The following CDH2 variants were observed in gnomAD, a reference collection of about 807,000 sequenced individuals.
CDH2 encodes the protein cadherin 2.
In CDH2, 17 loss-of-function variants were observed where a neutral mutation model predicts 92.0. The ratio of observed to expected loss-of-function variants is 0.18; its 90% CI spans 0.13 to 0.28. CDH2 has a LOEUF of 0.28. Ranked by LOEUF, CDH2 falls within the 10% of genes least tolerant of loss-of-function variation. The probability of loss-of-function intolerance (pLI) is 1.00; values close to 1 mark genes in which losing one functional copy is unlikely to be tolerated. For missense variants in CDH2, 862 were observed against 1,133.1 expected, an observed-to-expected ratio of 0.76 and a Z score of 3.44; for synonymous variants, 419 against 415.9, an observed-to-expected ratio of 1.01 and a Z score of -0.09.
At chr18:28,068,902 G>C (rs542922146) in intron 2 of CDH2, among the ~76,000 whole-genome samples, 1 of 152,236 alleles carries the variant, frequency 6.6e-6, no homozygotes, top group East Asian at 1.9e-4. Context: ...ATTACATAGA[G>C]GACAAGTCTC....
At chr18:27,959,055 A>G (rs1189724562) in intron 15 of CDH2, among the ~76,000 whole-genome samples, 1 of 152,172 alleles carries the variant, frequency 6.6e-6, no homozygotes, top group Non-Finnish European at 1.5e-5. Flanking sequence ...ACGTATATAT[A>G]TAAAGAAGTT....
At chr18:28,051,519 C>T (rs1201550585) in intron 2 of CDH2, among the ~76,000 whole-genome samples, 1 of 152,090 alleles carries the variant, frequency 6.6e-6, no homozygotes, top group Non-Finnish European at 1.5e-5. Context: ...ATGACAGACT[C>T]CTTGTCAGAA....
rs189831745 is a variant in CDH2 at position 28,157,751 on chromosome 18, A to T, written c.61-9967T>A. ...ATACGATATGTGATATATGCTAATA[A>T]AACAATTTCAATGTTTCTGTTCACT... On this transcript the variant is annotated intron_variant, in intron 1 of 15. Transcript: ENST00000269141. Among the ~76,000 whole-genome samples the T allele has an allele frequency of 9.2e-5, 14 of 152,326 alleles. No homozygotes were observed. In the East Asian group the frequency reaches 2.7e-3, roughly 29 times the overall value.
chr18:28,010,993 A>T (rs888537451), intron 4 of CDH2, among the ~76,000 whole-genome samples: 8 of 151,546 alleles, frequency 5.3e-5, no homozygotes, highest in Admixed American at 1.3e-4. Flanking sequence ...AACTTCATTA[A>T]AGTAGAAAAA....
At chr18:28,013,989 T>C (rs2013173719) in intron 2 of CDH2, 80 bp from the exon 3 acceptor site, 1 of 911,022 alleles carries the variant, frequency 1.1e-6, no homozygotes, top group Admixed American at 2.4e-5. Context: ...TAAACCTATA[T>C]CCTGCTTAGG....
intron 2 of CDH2, among the ~76,000 whole-genome samples, chr18:28,143,480 C>T (rs937004041): frequency 4.0e-5 from 6 of 151,816 alleles, no homozygotes; most frequent in African/African-American, 1.5e-4. Flanking sequence ...TGCTTGTAAA[C>T]AGGTGTGTAC....
intron 15 of CDH2, 134 bp from the exon 16 acceptor site, chr18:27,952,493 CA>C: frequency 1.5e-6 from 1 of 683,096 alleles, no homozygotes; most frequent in South Asian, 1.9e-5. Flanking sequence ...ACCATATTTT[CA>C]ACACATGGAA....
chr18:27,984,976 C>G (rs2012177255), intron 13 of CDH2, 24 bp downstream of exon 13: 1 of 1,570,932 alleles, frequency 6.4e-7, no homozygotes, highest in African/African-American at 1.4e-5. Context: ...GAACTGAAAT[C>G]TAAAAGACAA....
intron 2 of CDH2, among the ~76,000 whole-genome samples, chr18:28,136,245 T>C (rs2015859707): frequency 6.6e-6 from 1 of 152,142 alleles, no homozygotes; most frequent in South Asian, 2.1e-4. Context: ...TCAAAGGCAG[T>C]ATTATCAGGT....
At chr18:28,097,160 A>C (rs1347042636) in intron 2 of CDH2, 1 of 152,174 alleles carries the variant, frequency 6.6e-6, no homozygotes, top group African/African-American at 2.4e-5. Flanking sequence ...TGCAGGATAA[A>C]AGAAAGTAGT....
intron 2 of CDH2, among the ~76,000 whole-genome samples, chr18:28,027,314 CA>C (rs766325390): frequency 4.5e-3 from 657 of 146,414 alleles, no homozygotes; most frequent in African/African-American, 8.8e-3. Context: ...AGGTTAAGTT[CA>C]AAAAAAAAAA....
intron 1 of CDH2, among the ~76,000 whole-genome samples, chr18:28,175,813 G>C (rs961497): frequency 0.04 from 6,166 of 152,308 alleles, 161 homozygotes; most frequent in South Asian, 0.077. Context: ...GACCCTCCGT[G>C]GATTTTCCTG....
intron 1 of CDH2, among the ~76,000 whole-genome samples, chr18:28,162,258 C>T (rs556682032): frequency 2.6e-4 from 39 of 152,290 alleles, no homozygotes; most frequent in Admixed American, 4.6e-4. Flanking sequence ...GCCAGCAGGG[C>T]CTCAGGCCCA....
chr18:28,165,227 G>A (rs1200593056), intron 1 of CDH2, among the ~76,000 whole-genome samples: 1 of 152,098 alleles, frequency 6.6e-6, no homozygotes, highest in East Asian at 1.9e-4. Flanking sequence ...CTGTTGCCCA[G>A]GCTGGAGTGC....
intron 2 of CDH2, among the ~76,000 whole-genome samples, chr18:28,106,341 T>C (rs1327901913): frequency 6.6e-6 from 1 of 151,894 alleles, no homozygotes; most frequent in Non-Finnish European, 1.5e-5. Flanking sequence ...CGCTTGAACC[T>C]GGGAGGCGGC....
intron 7 of CDH2, among the ~76,000 whole-genome samples, chr18:27,996,451 TAGA>T (rs2012584127): frequency 1.3e-5 from 2 of 152,182 alleles, no homozygotes; most frequent in Non-Finnish European, 2.9e-5. Context: ...AACCCTTGCC[TAGA>T]ATACCATTCC....
intron 15 of CDH2, among the ~76,000 whole-genome samples, chr18:27,957,170 T>C (rs2011271043): frequency 7.5e-6 from 1 of 133,592 alleles, no homozygotes; most frequent in African/African-American, 2.7e-5. Context: ...ATTAAAAATA[T>C]CACTTCGACT....
intron 7 of CDH2, among the ~76,000 whole-genome samples, chr18:27,999,258 T>C (rs2012685401): frequency 6.6e-6 from 1 of 151,990 alleles, no homozygotes; most frequent in South Asian, 2.1e-4. Context: ...GGGGGTTAGG[T>C]TAAGGAGGGT....
chr18:27,947,807 GTA>G, downstream of CDH2, among the ~76,000 whole-genome samples: 1 of 151,990 alleles, frequency 6.6e-6, no homozygotes, highest in East Asian at 1.9e-4. Context: ...TGTGATGTAA[GTA>G]TATGTGATAT....
Sources: allele counts gnomAD v4.1 joint callset (sites outside exome capture counted in the v4.1 genomes callset), GRCh38; gene constraint gnomAD v4.1.1; transcripts MANE v1.5; gene names NCBI Gene and HGNC (gene_info 2026-07-23, HGNC 2026-07-21).